Variants in SCAMP5 observed in about 807,000 individuals in gnomAD.
The protein encoded by SCAMP5 is secretory carrier-associated membrane protein 5.
SCAMP5 carries 7 observed loss-of-function variants against 28.3 expected under a neutral mutation model. The ratio of observed to expected loss-of-function variants is 0.25; its 90% CI spans 0.14 to 0.46. The LOEUF (loss-of-function observed/expected upper bound fraction) is 0.46, where lower values mean the gene tolerates loss of function less well. Ranked by LOEUF, SCAMP5 falls within the 20% of genes least tolerant of loss-of-function variation. SCAMP5 has a pLI of 0.99. For missense variants in SCAMP5, 192 were observed against 312.5 expected, an observed-to-expected ratio of 0.61 and a Z score of 2.91; for synonymous variants, 117 against 116.4, an observed-to-expected ratio of 1.00 and a Z score of -0.03.
Position 75,003,101 on chromosome 15 carries a change from T to A in SCAMP5, c.-49+7428T>A, listed in dbSNP as rs564558755. Among the ~76,000 whole-genome samples the A allele has an allele frequency of 2.0e-5, 3 of 152,262 alleles. No homozygotes were observed. In the South Asian group the frequency reaches 6.2e-4, roughly 31 times the overall value. On this transcript the variant is annotated intron_variant, in intron 1 of 6. Transcript: ENST00000425597. Reference sequence around the variant, plus strand: ...GCACGCCGTCACACCCGGCTTATTTTTAGTAGAGACAGAGTTTCACTGTGT... The same window carrying A: ...GCACGCCGTCACACCCGGCTTATTTATAGTAGAGACAGAGTTTCACTGTGT...
At chr15:75,002,438 C>G (rs775489634) in intron 1 of SCAMP5, among the ~76,000 whole-genome samples, 10 of 152,202 alleles carry the variant, frequency 6.6e-5, no homozygotes, top group Non-Finnish European at 1.2e-4. Flanking sequence ...TCTCCCTACC[C>G]CCATATCCTA....
intron 3 of SCAMP5, 51 bp downstream of exon 3, chr15:75,012,856 G>T (rs1294218799): frequency 6.2e-7 from 1 of 1,601,488 alleles, no homozygotes; most frequent in Admixed American, 1.7e-5. Context: ...GAGGCAGGAA[G>T]ACTGGGCGTG....
rs764766114 is a variant in SCAMP5 at position 75,018,893 on chromosome 15, C to T, written c.618C>T (p.Asn206=). 11 of 1,587,572 alleles carry T rather than the reference C, an allele frequency of 6.9e-6. No individual in the cohort carries two copies. Among genetic ancestry groups the T allele is most frequent in the African/African-American group, 1.4e-5 (1 of 72,826 alleles). ...KNPHVQQAAQ[N]AAMGAAQGAM... is the part of the protein sequence containing the mutation. ...CACATGTGCAGCAGGCAGCCCAGAA[C>T]GCAGCCATGGGGGCAGCCCAGGGTG... The change falls in exon 7 of 7, where the codon AAC becomes AAT. Residue 206 remains asparagine, a synonymous_variant. Transcript: ENST00000425597. The surrounding 1 kb of genome is among the most constrained non-coding windows in gnomAD (Gnocchi z 5.6).
chr15:75,013,750 C>CCCAG (rs2141449709), intron 3 of SCAMP5, among the ~76,000 whole-genome samples: 1 of 152,194 alleles, frequency 6.6e-6, no homozygotes, highest in South Asian at 2.1e-4. Context: ...ATCACTTGAG[C>CCCAG]CCAGGAGTTC....
chr15:75,012,583 G>A, intron 2 of SCAMP5, 94 bp from the exon 3 acceptor site: 1 of 1,469,316 alleles, frequency 6.8e-7, no homozygotes, highest in African/African-American at 1.4e-5. Context: ...GGCCACAGGG[G>A]CCAATGGGGC....
chr15:75,010,625 A>G (rs1415250132), intron 1 of SCAMP5, among the ~76,000 whole-genome samples: 2 of 152,124 alleles, frequency 1.3e-5, no homozygotes, highest in Non-Finnish European at 2.9e-5. Context: ...CCAGCTGTGC[A>G]ACACAGCAAG....
chr15:75,000,627 G>A (rs527495718), intron 1 of SCAMP5, among the ~76,000 whole-genome samples: 14 of 148,560 alleles, frequency 9.4e-5, no homozygotes, highest in Middle Eastern at 3.6e-3. Flanking sequence ...CTCGTGATCC[G>A]CCCACCTCGG....
At chr15:75,000,019 T>C (rs1458727982) in intron 1 of SCAMP5, among the ~76,000 whole-genome samples, 1 of 152,168 alleles carries the variant, frequency 6.6e-6, no homozygotes, top group East Asian at 1.9e-4. Flanking sequence ...TTTTGTCATA[T>C]ATGATTCTAT....
Position 75,018,315 on chromosome 15 carries a change from A to G in SCAMP5, c.396-103A>G. 1.3e-6 allele frequency: 1 copy of G among 789,028 alleles called. No individual in the cohort carries two copies. Among genetic ancestry groups the G allele is most frequent in the Non-Finnish European group, 2.3e-6 (1 of 433,524 alleles). The allele number at this position is 789,028 out of a possible 1,614,324, so 48.9% of individuals were successfully genotyped here. ...TAAGATGGTCCCTCTGCATCCAGTG[A>G]TATGTTTCCTCCCTGTGGCAATGAG... On this transcript the variant is annotated intron_variant, in intron 5 of 6. Coordinates refer to ENST00000425597, the MANE Select transcript of SCAMP5 (RefSeq NM_138967.4). The surrounding 1 kb of genome is among the most constrained non-coding windows in gnomAD (Gnocchi z 5.6).
intron 4 of SCAMP5, among the ~76,000 whole-genome samples, chr15:75,017,250 C>G (rs1218437014): frequency 6.6e-6 from 1 of 152,202 alleles, no homozygotes; most frequent in African/African-American, 2.4e-5. Flanking sequence ...GTGGGGCTTG[C>G]TGTCTTGGTG....
At position 75,018,913 on chromosome 15, in the gene SCAMP5, A is replaced by G; in HGVS notation, c.638A>G (p.Gln213Arg). Reference sequence around the variant, plus strand: ...CAGAACGCAGCCATGGGGGCAGCCCAGGGTGCCATGAATCAGCCTCAGACT... The same window carrying G: ...CAGAACGCAGCCATGGGGGCAGCCCGGGGTGCCATGAATCAGCCTCAGACT... Reference protein sequence around the residue: ...AAQNAAMGAAQGAMNQPQTQY... With the variant: ...AAQNAAMGAARGAMNQPQTQY... Residue 213 changes from glutamine (Q) to arginine (R), a missense_variant, in exon 7 of 7, where the codon CAG (glutamine) becomes CGG (arginine). Gln to Arg is a conservative substitution (Grantham distance 43, BLOSUM62 1). Coordinates refer to ENST00000425597, the MANE Select transcript of SCAMP5 (RefSeq NM_138967.4). The surrounding 1 kb of genome is among the most constrained non-coding windows in gnomAD (Gnocchi z 5.6). 1.9e-6 allele frequency: 3 copies of G among 1,576,910 alleles called. No homozygotes were observed. The highest frequency in any genetic ancestry group is 2.3e-5 in the East Asian group (1 of 44,386).
chr15:75,013,856 C>A (rs1316757609), intron 3 of SCAMP5, among the ~76,000 whole-genome samples: 1 of 151,824 alleles, frequency 6.6e-6, no homozygotes, highest in Admixed American at 6.6e-5. Context: ...ATCTAGAATT[C>A]TTTATTTAGA....
Position 75,018,071 on chromosome 15 carries a change from A to G in SCAMP5, c.395+100A>G. On this transcript the variant is annotated intron_variant, in intron 5 of 6. Coordinates refer to ENST00000425597, the MANE Select transcript of SCAMP5 (RefSeq NM_138967.4). The surrounding 1 kb of genome is among the most constrained non-coding windows in gnomAD (Gnocchi z 5.6). ...TAAGCTGTCTAGCCTATGGGGCCTG[A>G]GTGATGGGTTGTTGGGAGAGTGAGA... The G allele has an allele frequency of 1.3e-6, 1 of 741,164 alleles. No homozygotes were observed. The highest frequency in any genetic ancestry group is 2.4e-6 in the Non-Finnish European group (1 of 424,204). The allele number at this position is 741,164 out of a possible 1,614,324, so 45.9% of individuals were successfully genotyped here.
rs60910940 is a variant in SCAMP5 at position 75,012,717 on chromosome 15, G to T, written c.48G>T (p.Pro16=). ...TCCCACCATTGCCCAAATTCATCCC[G>T]CTGAAGCCATGTTTCTACCAAGACT... ...NNFPPLPKFI[P]LKPCFYQDFE... is the part of the protein sequence containing the mutation. Residue 16 remains proline, a synonymous_variant, in exon 3 of 7, where the codon CCG becomes CCT. Transcript: ENST00000425597. 9,475 of 1,613,862 alleles carry T rather than the reference G, an allele frequency of 5.9e-3. 471 individuals are homozygous for T. In the African/African-American group the frequency reaches 0.11, roughly 18 times the overall value.
intron 1 of SCAMP5, among the ~76,000 whole-genome samples, chr15:74,997,665 C>T (rs2065665704): frequency 6.6e-6 from 1 of 152,180 alleles, no homozygotes; most frequent in Non-Finnish European, 1.5e-5. Flanking sequence ...TAGAGATGAT[C>T]TCCTGCATGA....
At chr15:75,002,729 A>G (rs1282073167) in intron 1 of SCAMP5, among the ~76,000 whole-genome samples, 1 of 140,474 alleles carries the variant, frequency 7.1e-6, no homozygotes, top group Non-Finnish European at 1.5e-5. Flanking sequence ...CAACTATCCT[A>G]TTCTGCTTGC....
rs914012931 is a variant in SCAMP5, at chr15:75,018,363, G to A, written c.396-55G>A. The A allele has an allele frequency of 1.9e-6, 2 of 1,060,448 alleles. No homozygotes were observed. The highest frequency in any genetic ancestry group is 1.7e-5 in the Admixed American group (1 of 59,274). 65.7% of individuals were successfully genotyped at this position (1,060,448 alleles called of 1,614,324 possible). A position where few individuals can be genotyped will look rare whatever the true frequency, so the allele number is the denominator to read the frequency against. On this transcript the variant is annotated intron_variant, in intron 5 of 6. Coordinates refer to ENST00000425597, the MANE Select transcript of SCAMP5 (RefSeq NM_138967.4). This position sits in a 1 kb window ranked among gnomAD's most constrained non-coding sequence, Gnocchi z 5.6. The stretch of plus-strand genomic sequence containing the variant: ...GAGACGGTCCCTTCCTCTAGCGGGG[G>A]GCTCCTGGGCACCTCTTATCCTGCC...
chr15:75,013,610 G>A (rs2065833609), intron 3 of SCAMP5, among the ~76,000 whole-genome samples: 1 of 152,120 alleles, frequency 6.6e-6, no homozygotes, highest in Non-Finnish European at 1.5e-5. Context: ...CAAGGCAGGA[G>A]GATCCAATGA....
At chr15:75,001,802 G>A (rs1055487434) in intron 1 of SCAMP5, among the ~76,000 whole-genome samples, 4 of 150,310 alleles carry the variant, frequency 2.7e-5, no homozygotes, top group Middle Eastern at 3.2e-3. Flanking sequence ...CCCAGGAGGC[G>A]GAGGTTGCAG....
Sources: allele counts gnomAD v4.1 joint callset (sites outside exome capture counted in the v4.1 genomes callset), GRCh38; gene constraint gnomAD v4.1.1; non-coding constraint Gnocchi (gnomAD v3.1); transcripts MANE v1.5; gene names NCBI Gene and HGNC (gene_info 2026-07-23, HGNC 2026-07-21).